SPIDR: variants seen among roughly 807,000 people sequenced by gnomAD.
The protein encoded by SPIDR is DNA repair-scaffolding protein.
Under a neutral mutation model 104.6 loss-of-function variants are expected in SPIDR, and 93 were observed. The ratio of observed to expected loss-of-function variants is 0.89; its 90% CI spans 0.75 to 1.06. The LOEUF (loss-of-function observed/expected upper bound fraction) is 1.06. Ranked by LOEUF, SPIDR falls within the 50% of genes least tolerant of loss-of-function variation. The probability of loss-of-function intolerance (pLI) is 0.00; values close to 1 mark genes in which losing one functional copy is unlikely to be tolerated. For synonymous variants in SPIDR, 431 were observed against 416.9 expected, an observed-to-expected ratio of 1.03 and a Z score of -0.41; for missense variants, 1,154 against 1,111.2, an observed-to-expected ratio of 1.04 and a Z score of -0.55.
chr8:47,561,554 G>A (rs2154401498), intron 8 of SPIDR, among the ~76,000 whole-genome samples: 1 of 152,296 alleles, frequency 6.6e-6, no homozygotes. Flanking sequence ...GTCAGTCTCT[G>A]ATCAACTGAC....
chr8:47,423,058 C>T (rs2065823742), intron 7 of SPIDR, among the ~76,000 whole-genome samples: 1 of 152,142 alleles, frequency 6.6e-6, no homozygotes, highest in Admixed American at 6.5e-5. Flanking sequence ...ATAATCCCAG[C>T]AATTTGGGAA....
intron 8 of SPIDR, among the ~76,000 whole-genome samples, chr8:47,456,947 T>C (rs538834576): frequency 6.6e-6 from 1 of 152,344 alleles, no homozygotes; most frequent in East Asian, 1.9e-4. Context: ...TTCCTTTTTA[T>C]GGCTGAGTAG....
chr8:47,480,737 A>G (rs2076813435), intron 8 of SPIDR, among the ~76,000 whole-genome samples: 1 of 152,228 alleles, frequency 6.6e-6, no homozygotes, highest in South Asian at 2.1e-4. Context: ...AAGGCACAGC[A>G]TCTTCTCCTT....
At chr8:47,679,429 G>C (rs1421865433) in intron 11 of SPIDR, among the ~76,000 whole-genome samples, 10 of 116,646 alleles carry the variant, frequency 8.6e-5, no homozygotes, top group African/African-American at 3.4e-4. Flanking sequence ...GCCCCCTCCA[G>C]TGCTGGCCTG....
intron 7 of SPIDR, among the ~76,000 whole-genome samples, chr8:47,426,888 A>T (rs1554685429): frequency 6.6e-6 from 1 of 152,250 alleles, no homozygotes; most frequent in Non-Finnish European, 1.5e-5. Context: ...TTAAGCTTCC[A>T]GCACATTAAC....
chr8:47,619,585 T>C (rs1017313361), intron 10 of SPIDR, among the ~76,000 whole-genome samples: 2 of 151,756 alleles, frequency 1.3e-5, no homozygotes, highest in Non-Finnish European at 2.9e-5. Flanking sequence ...TTTTTCTACA[T>C]GATACTCTGA....
chr8:47,288,439 C>T (rs2039279187), intron 3 of SPIDR, among the ~76,000 whole-genome samples: 1 of 152,092 alleles, frequency 6.6e-6, no homozygotes, highest in African/African-American at 2.4e-5. Flanking sequence ...TGCCCACAAC[C>T]ATGCCTGGCT....
intron 10 of SPIDR, among the ~76,000 whole-genome samples, chr8:47,618,084 A>G (rs935794557): frequency 3.9e-5 from 6 of 152,230 alleles, no homozygotes; most frequent in African/African-American, 1.4e-4. Flanking sequence ...TTGGGCAAGG[A>G]TCTCTAAAGT....
At chr8:47,326,416 C>G (rs1384050715) in intron 5 of SPIDR, among the ~76,000 whole-genome samples, 2 of 152,188 alleles carry the variant, frequency 1.3e-5, no homozygotes, top group African/African-American at 4.8e-5. Flanking sequence ...CAGTTTGTTA[C>G]CAGGTCTCTC....
intron 10 of SPIDR, among the ~76,000 whole-genome samples, chr8:47,621,276 G>A (rs898789635): frequency 6.6e-6 from 1 of 152,206 alleles, no homozygotes; most frequent in Non-Finnish European, 1.5e-5. Context: ...GTTTTAGTGT[G>A]TTCACAATGT....
intron 10 of SPIDR, among the ~76,000 whole-genome samples, chr8:47,623,060 T>C (rs13266791): frequency 0.035 from 5,352 of 152,268 alleles, 154 homozygotes; most frequent in Middle Eastern, 0.082. Flanking sequence ...TGTAGTGCAC[T>C]AACAGCTTGG....
At chr8:47,614,125 G>C (rs1474826193) in intron 10 of SPIDR, among the ~76,000 whole-genome samples, 1 of 152,072 alleles carries the variant, frequency 6.6e-6, no homozygotes, top group Non-Finnish European at 1.5e-5. Context: ...GTAGCGTTTG[G>C]TTTTCTGTTC....
chr8:47,545,119 C>CTTTCTTTCTTTCTT (rs1406970191), intron 8 of SPIDR, among the ~76,000 whole-genome samples: 1 of 23,942 alleles, frequency 4.2e-5, no homozygotes, highest in African/African-American at 1.5e-4. Flanking sequence ...TTCTTTCTTT[C>CTTTCTTTCTTTCTT]TTTTTTTTTT....
At chr8:47,449,120 G>C (rs1292546603) in intron 8 of SPIDR, among the ~76,000 whole-genome samples, 2 of 152,152 alleles carry the variant, frequency 1.3e-5, no homozygotes, top group African/African-American at 4.8e-5. Context: ...GACTATGATG[G>C]TGAATAGTGG....
At chr8:47,630,779 A>T (rs954411499) in intron 10 of SPIDR, among the ~76,000 whole-genome samples, 2 of 152,174 alleles carry the variant, frequency 1.3e-5, no homozygotes, top group African/African-American at 4.8e-5. Flanking sequence ...CACGTGACCT[A>T]TAGCCCCCTA....
rs181527842 is a variant in SPIDR, at chr8:47,417,008, T to G, written c.877+9047T>G. 4.8e-3 allele frequency among the ~76,000 whole-genome samples: 728 copies of G among 152,364 alleles called. 5 individuals are homozygous for G. Among genetic ancestry groups the G allele is most frequent in the African/African-American group, 0.016 (686 of 41,580 alleles). ...TCCATGGTGTATATGTGCCACATTT[T>G]CTTAATCCAGTCTATGATTTTTGGA... On this transcript the variant is annotated intron_variant, in intron 7 of 19. Transcript: ENST00000297423.
chr8:47,639,138 A>T (rs894914350), intron 10 of SPIDR, among the ~76,000 whole-genome samples: 37 of 152,228 alleles, frequency 2.4e-4, no homozygotes, highest in African/African-American at 8.9e-4. Flanking sequence ...TTGGTATGCT[A>T]GCTAAGGAGT....
chr8:47,350,779 G>A (rs2053349397), intron 5 of SPIDR, among the ~76,000 whole-genome samples: 1 of 152,190 alleles, frequency 6.6e-6, no homozygotes, highest in Non-Finnish European at 1.5e-5. Context: ...TATAACATTT[G>A]AGAAACAACT....
At chr8:47,314,260 C>T (rs587738042) in intron 5 of SPIDR, among the ~76,000 whole-genome samples, 7 of 151,666 alleles carry the variant, frequency 4.6e-5, no homozygotes, top group African/African-American at 1.5e-4. Flanking sequence ...GAAAAAAATG[C>T]AAAGAGGTGA....
Sources: allele counts gnomAD v4.1 joint callset (sites outside exome capture counted in the v4.1 genomes callset), GRCh38; gene constraint gnomAD v4.1.1; transcripts MANE v1.5; gene names NCBI Gene and HGNC (gene_info 2026-07-23, HGNC 2026-07-21).